The following OPCML variants were observed in gnomAD, a reference collection of about 807,000 sequenced individuals.
The protein encoded by OPCML is opioid binding protein/cell adhesion molecule like, also known as opioid-binding protein/cell adhesion molecule.
In OPCML, 13 loss-of-function variants were observed where a neutral mutation model predicts 37.8. The ratio of observed to expected loss-of-function variants is 0.34; its 90% CI spans 0.22 to 0.55. OPCML has a LOEUF of 0.55. Ranked by LOEUF, OPCML falls within the 20% of genes least tolerant of loss-of-function variation. The pLI, the probability that OPCML is intolerant of heterozygous loss-of-function variation, is 0.91. For synonymous variants in OPCML, 176 were observed against 168.8 expected (o/e 1.04, Z -0.33); for missense variants, 341 against 435.6 (o/e 0.78, Z 1.93).
At chr11:133,055,982 C>G (rs150592319) in intron 1 of OPCML, among the ~76,000 whole-genome samples, 7 of 151,636 alleles carry the variant, frequency 4.6e-5, no homozygotes, top group Non-Finnish European at 7.4e-5. Context: ...CCATACAATG[C>G]TGCCTCCATG....
intron 1 of OPCML, among the ~76,000 whole-genome samples, chr11:133,048,981 G>A (rs959110185): frequency 4.6e-5 from 7 of 152,144 alleles, no homozygotes; most frequent in Admixed American, 4.6e-4. Flanking sequence ...ATTGATTCAA[G>A]ACTAGCAGCT....
At chr11:133,310,490 G>T (rs1943042271) in intron 1 of OPCML, among the ~76,000 whole-genome samples, 1 of 152,148 alleles carries the variant, frequency 6.6e-6, no homozygotes, top group African/African-American at 2.4e-5. Context: ...TATGGCATAA[G>T]GTCAGGTGAT....
At chr11:133,275,499 G>C (rs888847751) in intron 1 of OPCML, among the ~76,000 whole-genome samples, 3 of 152,100 alleles carry the variant, frequency 2.0e-5, no homozygotes, top group African/African-American at 4.8e-5. Flanking sequence ...CCTCACAGGC[G>C]TGGGACTTCA....
intron 1 of OPCML, among the ~76,000 whole-genome samples, chr11:133,069,016 G>C (rs1023053575): frequency 2.6e-5 from 4 of 152,210 alleles, no homozygotes; most frequent in Non-Finnish European, 5.9e-5. Context: ...TTTGGAGCTA[G>C]ATGGATCAGA....
intron 2 of OPCML, among the ~76,000 whole-genome samples, chr11:132,833,254 T>C (rs970410568): frequency 2.0e-5 from 3 of 152,220 alleles, no homozygotes; most frequent in African/African-American, 4.8e-5. Context: ...TATAAGCTTC[T>C]TATATTTTCT....
intron 1 of OPCML, among the ~76,000 whole-genome samples, chr11:133,316,192 G>A (rs1943200783): frequency 6.6e-6 from 1 of 152,182 alleles, no homozygotes; most frequent in South Asian, 2.1e-4. Flanking sequence ...CATTCTGTAT[G>A]CTCAGATAGG....
intron 1 of OPCML, among the ~76,000 whole-genome samples, chr11:133,219,723 G>T (rs1007752531): frequency 1.3e-5 from 2 of 152,176 alleles, no homozygotes; most frequent in African/African-American, 4.8e-5. Context: ...TAACTCAGGG[G>T]TTCTCAAGCG....
intron 2 of OPCML, among the ~76,000 whole-genome samples, chr11:132,841,973 A>G (rs796320196): frequency 6.2e-4 from 94 of 151,598 alleles, no homozygotes; most frequent in African/African-American, 2.2e-3. Context: ...TCTGCATGCT[A>G]TTGAAAAGAG....
intron 1 of OPCML, among the ~76,000 whole-genome samples, chr11:133,063,097 G>A (rs890419435): frequency 5.9e-5 from 9 of 152,198 alleles, no homozygotes; most frequent in African/African-American, 1.2e-4. Context: ...GAGTTCTACC[G>A]GTCAGTCCAG....
At chr11:132,777,096 C>A (rs899088010) in intron 2 of OPCML, among the ~76,000 whole-genome samples, 7 of 152,180 alleles carry the variant, frequency 4.6e-5, no homozygotes, top group Non-Finnish European at 7.3e-5. Context: ...TTATAAGCTC[C>A]TTAAGGACTG....
chr11:133,100,706 C>T (rs7926890), intron 1 of OPCML, among the ~76,000 whole-genome samples: 2,927 of 152,202 alleles, frequency 0.019, 78 homozygotes, highest in African/African-American at 0.062. Context: ...AAAGGCAATA[C>T]AATGGAGTAA....
At chr11:132,431,228 C>T (rs1396236022) in intron 7 of OPCML, among the ~76,000 whole-genome samples, 1 of 152,206 alleles carries the variant, frequency 6.6e-6, no homozygotes, top group Non-Finnish European at 1.5e-5. Flanking sequence ...CCTTTTGTTC[C>T]CATTGTTTCC....
At chr11:133,379,105 T>C (rs1367396768) in intron 1 of OPCML, among the ~76,000 whole-genome samples, 1 of 152,126 alleles carries the variant, frequency 6.6e-6, no homozygotes, top group Non-Finnish European at 1.5e-5. Flanking sequence ...ATTTAAGTCT[T>C]TGAAAAGGGT....
chr11:132,623,378 A>C (rs1019267876), intron 3 of OPCML, among the ~76,000 whole-genome samples: 3 of 152,174 alleles, frequency 2.0e-5, no homozygotes, highest in South Asian at 2.1e-4. Context: ...ACAACAACAA[A>C]AAAACAGAGC....
intron 1 of OPCML, chr11:133,004,775 T>A (rs917736394): frequency 3.5e-5 from 34 of 985,008 alleles, no homozygotes; most frequent in Non-Finnish European, 1.3e-5. Context: ...AGAAGCGAGA[T>A]CACACTGCCT....
At chr11:133,075,136 C>T (rs1006363449) in intron 1 of OPCML, among the ~76,000 whole-genome samples, 28 of 152,138 alleles carry the variant, frequency 1.8e-4, no homozygotes, top group Non-Finnish European at 4.1e-4. Flanking sequence ...ACAAGGCTCA[C>T]CTCCTCCCCA....
intron 2 of OPCML, among the ~76,000 whole-genome samples, chr11:132,845,965 T>C (rs764351809): frequency 1.3e-5 from 2 of 152,144 alleles, no homozygotes; most frequent in Non-Finnish European, 2.9e-5. Context: ...GTGTGGACAC[T>C]TAACTTTGAC....
intron 1 of OPCML, among the ~76,000 whole-genome samples, chr11:133,144,581 C>T (rs78670363): frequency 2.0e-5 from 3 of 152,212 alleles, no homozygotes; most frequent in Non-Finnish European, 2.9e-5. Flanking sequence ...GCATCTAGCA[C>T]GCTGGCCAGC....
chr11:133,301,440 G>A (rs1416691388), intron 1 of OPCML: 2 of 152,100 alleles, frequency 1.3e-5, no homozygotes, highest in Admixed American at 1.3e-4. Flanking sequence ...TTTCAATTTG[G>A]TCTCACCACA....
Sources: gnomAD v4.1 joint callset for allele counts (sites outside exome capture counted in the v4.1 genomes callset) on GRCh38, gnomAD v4.1.1 for gene constraint, MANE v1.5 for transcripts, NCBI Gene and HGNC (gene_info 2026-07-23, HGNC 2026-07-21) for gene names.